The following TGFBR1 variants were observed in gnomAD, a reference collection of about 807,000 sequenced individuals.
The protein encoded by TGFBR1 is TGF-beta receptor type-1.
Under a neutral mutation model 55.1 loss-of-function variants are expected in TGFBR1, and 20 were observed. The ratio of observed to expected loss-of-function variants is 0.36; its 90% CI spans 0.26 to 0.53. The LOEUF (loss-of-function observed/expected upper bound fraction) is 0.53. Ranked by LOEUF, TGFBR1 falls within the 20% of genes least tolerant of loss-of-function variation. The probability of loss-of-function intolerance (pLI) is 0.91; values close to 1 mark genes in which losing one functional copy is unlikely to be tolerated. For synonymous variants in TGFBR1, 220 were observed against 214.8 expected (o/e 1.02, Z -0.21); for missense variants, 385 against 617.6 (o/e 0.62, Z 3.99).
At chr9:99,122,546 G>A (rs569596544) in intron 1 of TGFBR1, among the ~76,000 whole-genome samples, 1 of 152,126 alleles carries the variant, frequency 6.6e-6, no homozygotes, top group South Asian at 2.1e-4. Flanking sequence ...TTGTTACCCC[G>A]ATACTATAAT....
chr9:99,125,133 A>T (rs1468340155), intron 1 of TGFBR1, among the ~76,000 whole-genome samples: 1 of 152,228 alleles, frequency 6.6e-6, no homozygotes, highest in Non-Finnish European at 1.5e-5. Flanking sequence ...TCTGTATTTT[A>T]ACTTCAGTGA....
chr9:99,105,347 C>T, intron 1 of TGFBR1, 45 bp downstream of exon 1: 1 of 979,582 alleles, frequency 1.0e-6, no homozygotes, highest in Non-Finnish European at 1.2e-6. Flanking sequence ...GCGCGCGGGC[C>T]GGACCCGGCC....
intron 3 of TGFBR1, among the ~76,000 whole-genome samples, chr9:99,134,802 T>TATATATATA (rs1554700024): frequency 1.7e-4 from 7 of 41,384 alleles, no homozygotes; most frequent in Non-Finnish European, 4.2e-5. Flanking sequence ...TCTGTTTCCA[T>TATATATATA]TATATATATA....
intron 1 of TGFBR1, among the ~76,000 whole-genome samples, chr9:99,116,394 G>A (rs976909498): frequency 2.0e-5 from 3 of 152,200 alleles, no homozygotes; most frequent in African/African-American, 7.2e-5. Context: ...GTGTGTCCCT[G>A]AGGAAATAGC....
At chr9:99,105,907 G>A (rs1007003890) in intron 1 of TGFBR1, among the ~76,000 whole-genome samples, 1 of 152,222 alleles carries the variant, frequency 6.6e-6, no homozygotes, top group African/African-American at 2.4e-5. Context: ...ACTCCCGCCC[G>A]GCTCGACCCG....
At chr9:99,109,284 T>C (rs1826498105) in intron 1 of TGFBR1, among the ~76,000 whole-genome samples, 1 of 152,192 alleles carries the variant, frequency 6.6e-6, no homozygotes, top group Admixed American at 6.5e-5. Flanking sequence ...TTGAGAAAAG[T>C]AGGCCTATAG....
At chr9:99,137,259 T>C (rs1018268512) in intron 3 of TGFBR1, among the ~76,000 whole-genome samples, 6 of 152,266 alleles carry the variant, frequency 3.9e-5, no homozygotes, top group Non-Finnish European at 5.9e-5. Context: ...AATTTACTTC[T>C]GTGTTTCTGC....
intron 3 of TGFBR1, among the ~76,000 whole-genome samples, chr9:99,133,518 A>G (rs569226226): frequency 6.6e-6 from 1 of 152,330 alleles, no homozygotes; most frequent in South Asian, 2.1e-4. Flanking sequence ...GAACACTCCT[A>G]TCCCCTGTGT....
intron 6 of TGFBR1, among the ~76,000 whole-genome samples, chr9:99,146,211 C>CT (rs1827791569): frequency 1.3e-5 from 2 of 152,064 alleles, no homozygotes; most frequent in Admixed American, 1.3e-4. Flanking sequence ...ATTAGGACAC[C>CT]TTTAACAGTC....
chr9:99,105,574 T>TGGAGTCGGGC (rs1826387851), intron 1 of TGFBR1, among the ~76,000 whole-genome samples: 1 of 149,802 alleles, frequency 6.7e-6, no homozygotes, highest in Non-Finnish European at 1.5e-5. Flanking sequence ...CCCGGGGAGG[T>TGGAGTCGGGC]GGAGTCGGGC....
In TGFBR1 at chr9:99,140,185, T is replaced by G. The variant is rs566676859; in HGVS notation, c.805+2096T>G. Among the ~76,000 whole-genome samples the G allele has an allele frequency of 1.9e-4, 29 of 152,290 alleles. No individual in the cohort carries two copies. In the Middle Eastern group the frequency reaches 0.01, roughly 54 times the overall value. ...AACAAAACAGGCCGGGCACAGTGGC[T>G]CACGCCTGTAATCCCAGCACTTTGG... On this transcript the variant is annotated intron_variant, in intron 4 of 8. Coordinates refer to ENST00000374994, the MANE Select transcript of TGFBR1 (RefSeq NM_004612.4).
At chr9:99,128,653 T>G (rs745601385) in intron 1 of TGFBR1, 1 of 742,254 alleles carries the variant, frequency 1.3e-6, no homozygotes, top group South Asian at 1.5e-5. Flanking sequence ...TACATTTCCT[T>G]GGGCTTCCAC....
intron 2 of TGFBR1, among the ~76,000 whole-genome samples, chr9:99,132,257 T>C (rs967241828): frequency 6.6e-6 from 1 of 152,188 alleles, no homozygotes; most frequent in African/African-American, 2.4e-5. Flanking sequence ...CAGTTGGCCT[T>C]GTAATGATGG....
Position 99,151,002 on chromosome 9 carries a change from C to T in TGFBR1, c.*1697C>T, listed in dbSNP as rs181403208. On this transcript the variant is annotated 3_prime_UTR_variant, in exon 9 of 9. Transcript: ENST00000374994. ...CGACTTTATAGTGCTATCAGTTCCCCGATACAGGGTCAGAGTAACCCATAC... is the reference window on the plus strand; with the variant it reads ...CGACTTTATAGTGCTATCAGTTCCCTGATACAGGGTCAGAGTAACCCATAC... 1.9e-3 allele frequency: 436 copies of T among 227,352 alleles called. 6 individuals carry two copies. The highest frequency in any genetic ancestry group is 2.8e-3 in the Non-Finnish European group (322 of 114,256). The allele number at this position is 227,352 out of a possible 1,614,324, so 14.1% of individuals were successfully genotyped here. A position where few individuals can be genotyped will look rare whatever the true frequency, so the allele number is the denominator to read the frequency against.
intron 3 of TGFBR1, among the ~76,000 whole-genome samples, chr9:99,133,931 G>A (rs541866335): frequency 1.6e-4 from 24 of 151,878 alleles, no homozygotes; most frequent in Admixed American, 6.6e-4. Flanking sequence ...CTGAACCTGG[G>A]GGGTGGAGGT....
chr9:99,121,063 A>T (rs1261266297), intron 1 of TGFBR1, among the ~76,000 whole-genome samples: 2 of 152,216 alleles, frequency 1.3e-5, no homozygotes, highest in Non-Finnish European at 1.5e-5. Context: ...CTGTTCTTTT[A>T]AGATGTGATG....
At position 99,152,591 on chromosome 9, in the gene TGFBR1, G is replaced by C. The variant is rs420549; in HGVS notation, c.*3286G>C. The C allele has an allele frequency of 0.16, 36,956 of 228,664 alleles. 3,248 individuals carry two copies. The highest frequency in any genetic ancestry group is 0.2 in the Non-Finnish European group (22,848 of 114,930). The allele number at this position is 228,664 out of a possible 1,614,324, so 14.2% of individuals were successfully genotyped here. A position where few individuals can be genotyped will look rare whatever the true frequency, so the allele number is the denominator to read the frequency against. ...TCAGATTAAAACAAGATGGCAAAGAGATCGTTAGAGTGCACAACAAAATCA... is the reference window on the plus strand; with the variant it reads ...TCAGATTAAAACAAGATGGCAAAGACATCGTTAGAGTGCACAACAAAATCA... On this transcript the variant is annotated 3_prime_UTR_variant, in exon 9 of 9. Coordinates refer to ENST00000374994, the MANE Select transcript of TGFBR1 (RefSeq NM_004612.4).
intron 3 of TGFBR1, among the ~76,000 whole-genome samples, chr9:99,135,149 G>GA (rs746757197): frequency 6.6e-6 from 1 of 152,032 alleles, no homozygotes; most frequent in African/African-American, 2.4e-5. Context: ...ATACTTGGAG[G>GA]AAAAATCTAA....
rs998268148 is a variant in TGFBR1, at chr9:99,128,977, G to A, written c.220G>A (p.Glu74Lys). The A allele has an allele frequency of 3.1e-6, 5 of 1,613,858 alleles. No individual in the cohort carries two copies. Among genetic ancestry groups the A allele is most frequent in the Non-Finnish European group, 3.4e-6 (4 of 1,179,956 alleles). Reference sequence around the variant, plus strand: ...TATACACAACAGCATGTGTATAGCTGAAATTGACTTAATTCCTCGAGATAG... The same window carrying A: ...TATACACAACAGCATGTGTATAGCTAAAATTGACTTAATTCCTCGAGATAG... Reference protein sequence around the residue: ...KVIHNSMCIAEIDLIPRDRPF... With the variant: ...KVIHNSMCIAKIDLIPRDRPF... The change falls in exon 2 of 9, where the codon GAA (glutamate) becomes AAA (lysine). Residue 74 changes from glutamate (E) to lysine (K), a missense_variant. Transcript: ENST00000374994.
Sources: allele counts gnomAD v4.1 joint callset (sites outside exome capture counted in the v4.1 genomes callset), GRCh38; gene constraint gnomAD v4.1.1; transcripts MANE v1.5; gene names NCBI Gene and HGNC (gene_info 2026-07-23, HGNC 2026-07-21).